Variants in GTF3C2 observed in about 807,000 individuals in gnomAD.
The protein encoded by GTF3C2 is general transcription factor IIIC subunit 2.
GTF3C2 carries 17 observed loss-of-function variants against 117.4 expected under a neutral mutation model. That is an observed-to-expected ratio of 0.14 (90% CI 0.10 to 0.22). GTF3C2 has a LOEUF of 0.22. Among genes scored for constraint, GTF3C2 ranks in the 10% least tolerant of loss-of-function variants. GTF3C2 has a pLI of 1.00. For missense variants in GTF3C2, 888 were observed against 1,143.6 expected, an observed-to-expected ratio of 0.78 and a Z score of 3.22; for synonymous variants, 437 against 427.0, an observed-to-expected ratio of 1.02 and a Z score of -0.29.
At chr2:27,332,667 G>C (rs1001198274) in intron 12 of GTF3C2, among the ~76,000 whole-genome samples, 3 of 151,998 alleles carry the variant, frequency 2.0e-5, no homozygotes, top group African/African-American at 7.2e-5. Flanking sequence ...GCCTGCCTCG[G>C]CCTCCCAGAG....
chr2:27,346,970 A>G (rs1338671251), intron 1 of GTF3C2, among the ~76,000 whole-genome samples: 1 of 152,216 alleles, frequency 6.6e-6, no homozygotes, highest in Non-Finnish European at 1.5e-5. Flanking sequence ...TGCTGGGATT[A>G]CAGGTGTAAG....
At position 27,327,036 on chromosome 2, in the gene GTF3C2, C is replaced by T. The variant is rs1026898857; in HGVS notation, c.2517+141G>A. On this transcript the variant is annotated intron_variant, in intron 18 of 18. Transcript: ENST00000264720. ...GGGTGACAGAGGTAAGAATGAAAAG[C>T]CAGTGAATGAGGTACGTCTGTCATG... 5 of 678,174 alleles carry T rather than the reference C, an allele frequency of 7.4e-6. No individual in the cohort carries two copies. The Admixed American group carries it at 1.4e-4, about 19-fold the overall frequency. 42.0% of individuals were successfully genotyped at this position (678,174 alleles called of 1,614,324 possible).
chr2:27,336,305 A>G, exon 8 of GTF3C2: 18 of 1,613,938 alleles, frequency 1.1e-5, no homozygotes, highest in Non-Finnish European at 1.4e-5. Context: ...TGGAGAAAAG[A>G]GCCACATATT....
At chr2:27,333,081 A>C (rs1027591403) in intron 12 of GTF3C2, among the ~76,000 whole-genome samples, 2 of 151,584 alleles carry the variant, frequency 1.3e-5, no homozygotes, top group Admixed American at 6.6e-5. Context: ...CCCAGCCTCA[A>C]GTGATTCCCT....
exon 19 of GTF3C2, chr2:27,326,101 A>G: frequency 4.7e-6 from 2 of 421,492 alleles, no homozygotes; most frequent in Non-Finnish European, 9.7e-6. Flanking sequence ...AGCAAGTAAG[A>G]TCTGAGCCAC....
At chr2:27,336,579 A>G in intron 7 of GTF3C2, 154 bp from the exon 8 acceptor site, 2 of 593,834 alleles carry the variant, frequency 3.4e-6, no homozygotes, top group Non-Finnish European at 6.1e-6. Context: ...CTTGGCTTCC[A>G]CTTGTATCTT....
chr2:27,355,318 C>G (rs576942099), intron 1 of GTF3C2, among the ~76,000 whole-genome samples: 1 of 152,016 alleles, frequency 6.6e-6, no homozygotes, highest in Non-Finnish European at 1.5e-5. Context: ...GTCACAAGTT[C>G]GAGACCAGCC....
intron 12 of GTF3C2, among the ~76,000 whole-genome samples, chr2:27,332,259 C>A (rs1680299366): frequency 6.6e-6 from 1 of 152,210 alleles, no homozygotes; most frequent in Admixed American, 6.5e-5. Context: ...GATCCTCCTG[C>A]CTCAGCCTCC....
At position 27,335,694 on chromosome 2, in the gene GTF3C2, G is replaced by A. The variant is rs778163893; in HGVS notation, c.1480C>T (p.Pro494Ser). 5 of 1,559,052 alleles carry A rather than the reference G, an allele frequency of 3.2e-6. No individual in the cohort carries two copies. In the South Asian group the frequency reaches 3.5e-5, roughly 11 times the overall value. The change falls in exon 10 of 19, where the codon CCC becomes TCC. Residue 494 changes from proline (P) to serine (S), a missense_variant. By Grantham distance (74) the Pro-to-Ser change is moderately conservative. Around this residue, in one of 7 missense-constraint regions of GTF3C2, gnomAD observed 277 missense variants for 445.4 expected, o/e 0.62. Transcript: ENST00000264720. ...GCCAGAGCCAAGAGACCCAACCGGGGCAGGAGAGGAGCCTAAAGGGTAAAA... is the reference window on the plus strand; with the variant it reads ...GCCAGAGCCAAGAGACCCAACCGGGACAGGAGAGGAGCCTAAAGGGTAAAA...
At chr2:27,343,605 A>G in intron 1 of GTF3C2, 27 bp from the exon 2 acceptor site, 1 of 1,591,344 alleles carries the variant, frequency 6.3e-7, no homozygotes, top group Non-Finnish European at 8.6e-7. Context: ...ACAAATGAGT[A>G]GAGGACAAAA....
chr2:27,330,013 G>C (rs756480723), intron 12 of GTF3C2, among the ~76,000 whole-genome samples: 26 of 151,782 alleles, frequency 1.7e-4, no homozygotes, highest in Non-Finnish European at 3.4e-4. Context: ...AGATGTGGTG[G>C]TGGGTGTCTG....
At position 27,341,852 on chromosome 2, in the gene GTF3C2, G is replaced by A; in HGVS notation, c.855+96C>T. 3.8e-6 allele frequency: 4 copies of A among 1,056,612 alleles called. No individual in the cohort carries two copies. The South Asian group carries it at 6.1e-5, about 16-fold the overall frequency. The allele number at this position is 1,056,612 out of a possible 1,614,324, so 65.5% of individuals were successfully genotyped here. Reference sequence around the variant, plus strand: ...TCTTTAACCTGTTTTGTCTATTATAGTTACCAGGTCAAAGCTGTCCTTCCT... The same window carrying A: ...TCTTTAACCTGTTTTGTCTATTATAATTACCAGGTCAAAGCTGTCCTTCCT... On this transcript the variant is annotated intron_variant, in intron 4 of 18. Transcript: ENST00000264720.
At chr2:27,343,411 G>A (rs548704445) in exon 2 of GTF3C2, 27 of 1,613,842 alleles carry the variant, frequency 1.7e-5, no homozygotes, top group East Asian at 6.7e-5. Context: ...ACATCTCTAC[G>A]GAAGCCTCTG....
intron 10 of GTF3C2, among the ~76,000 whole-genome samples, chr2:27,334,942 C>A (rs936558346): frequency 2.0e-5 from 3 of 152,146 alleles, no homozygotes; most frequent in Non-Finnish European, 4.4e-5. Flanking sequence ...CCATGCCCAG[C>A]CCCACAGCCA....
At chr2:27,348,214 C>A (rs1229627557) in intron 1 of GTF3C2, among the ~76,000 whole-genome samples, 1 of 151,470 alleles carries the variant, frequency 6.6e-6, no homozygotes, top group East Asian at 1.9e-4. Flanking sequence ...TTGCAGTGAG[C>A]CAAGATAGTG....
chr2:27,347,002 C>T (rs1445339162), intron 1 of GTF3C2, among the ~76,000 whole-genome samples: 1 of 152,140 alleles, frequency 6.6e-6, no homozygotes, highest in Non-Finnish European at 1.5e-5. Flanking sequence ...GGCCAAGAAA[C>T]CTTTCCACAT....
chr2:27,342,150 A>G lies in GTF3C2; in HGVS notation c.653T>C (p.Val218Ala), dbSNP rs575336288. Residue 218 changes from valine to alanine, a missense_variant, in exon 4 of 19, where the codon GTG becomes GCG. Physicochemically the swap from Val to Ala is moderately conservative, Grantham distance 64. Around this residue, in one of 7 missense-constraint regions of GTF3C2, gnomAD observed 393 missense variants for 401.5 expected, o/e 0.98. Coordinates refer to ENST00000264720, the Ensembl canonical transcript of GTF3C2. ...CTTCTTCGGTTTGGTGGGGCTGCTC[A>G]CCTTGGGGCCCTCAGGACAGGACAC... is the stretch of plus-strand genomic sequence containing the variant. 3.1e-6 allele frequency: 5 copies of G among 1,614,104 alleles called. No homozygotes were observed. In the South Asian group the frequency reaches 5.5e-5, roughly 18 times the overall value.
At position 27,331,575 on chromosome 2, in the gene GTF3C2, T is replaced by A. The variant is rs538238771; in HGVS notation, c.1733-2052A>T. The stretch of plus-strand genomic sequence containing the variant: ...CTCTTGACCTGGTGATCTGCCCGCC[T>A]CGGCCTTCCAAAGTGCTGGGATTAC... On this transcript the variant is annotated intron_variant, in intron 12 of 18. Coordinates refer to ENST00000264720, the Ensembl canonical transcript of GTF3C2. Among the ~76,000 whole-genome samples, 60 of 152,152 alleles carry A rather than the reference T, an allele frequency of 3.9e-4. 1 individual carries two copies. The highest frequency in any genetic ancestry group is 1.3e-3 in the African/African-American group (56 of 41,560).
intron 1 of GTF3C2, among the ~76,000 whole-genome samples, chr2:27,348,977 C>T (rs1681020392): frequency 1.3e-5 from 2 of 151,874 alleles, no homozygotes; most frequent in Admixed American, 6.6e-5. Flanking sequence ...GCTAGGATTA[C>T]AGGCGGCCGC....
Sources: gnomAD v4.1 joint callset for allele counts (sites outside exome capture counted in the v4.1 genomes callset) on GRCh38, gnomAD v4.1.1 for gene constraint, gnomAD v4.1.1 regional missense constraint, MANE v1.5 for transcripts, NCBI Gene and HGNC (gene_info 2026-07-23, HGNC 2026-07-21) for gene names.